NUBPL: variants seen among roughly 807,000 people sequenced by gnomAD.
The protein encoded by NUBPL is iron-sulfur cluster transfer protein NUBPL.
Under a neutral mutation model 45.7 loss-of-function variants are expected in NUBPL, and 31 were observed. That is an observed-to-expected ratio of 0.68 (90% CI 0.51 to 0.92). The LOEUF is 0.92. Ranked by LOEUF, NUBPL falls within the 40% of genes least tolerant of loss-of-function variation. The pLI, the probability that NUBPL is intolerant of heterozygous loss-of-function variation, is 0.00. For synonymous variants in NUBPL, 144 were observed against 140.9 expected (o/e 1.02, Z -0.15); for missense variants, 401 against 398.7 (o/e 1.01, Z -0.05).
At chr14:31,793,142 A>T (rs746484111) in intron 7 of NUBPL, among the ~76,000 whole-genome samples, 1 of 152,078 alleles carries the variant, frequency 6.6e-6, no homozygotes, top group African/African-American at 2.4e-5. Flanking sequence ...TTAGATTCTC[A>T]TTTGAATATC....
chr14:31,849,788 G>C (rs1189247826), intron 9 of NUBPL, among the ~76,000 whole-genome samples: 1 of 152,010 alleles, frequency 6.6e-6, no homozygotes, highest in Non-Finnish European at 1.5e-5. Context: ...GTCTATATCA[G>C]ATATTAATGG....
At chr14:31,739,074 C>T (rs577055577) in intron 6 of NUBPL, among the ~76,000 whole-genome samples, 14 of 150,550 alleles carry the variant, frequency 9.3e-5, no homozygotes, top group African/African-American at 2.9e-4. Flanking sequence ...AGTGCAGTGG[C>T]GCAATCTCAG....
At chr14:31,738,290 T>C (rs527766069) in intron 6 of NUBPL, among the ~76,000 whole-genome samples, 3 of 152,246 alleles carry the variant, frequency 2.0e-5, no homozygotes, top group South Asian at 2.1e-4. Flanking sequence ...AGATAAGAGG[T>C]TGCCAGTTAT....
intron 4 of NUBPL, among the ~76,000 whole-genome samples, chr14:31,662,404 C>T (rs945644107): frequency 6.6e-6 from 1 of 151,934 alleles, no homozygotes; most frequent in African/African-American, 2.4e-5. Flanking sequence ...CATCTGTCAA[C>T]GTGTCATCTA....
intron 3 of NUBPL, among the ~76,000 whole-genome samples, chr14:31,591,605 A>G (rs927088877): frequency 3.3e-5 from 5 of 152,190 alleles, no homozygotes; most frequent in Non-Finnish European, 7.3e-5. Flanking sequence ...GTTGTTAGGA[A>G]TAGACTGCAA....
chr14:31,811,494 CT>C (rs1210566237), intron 7 of NUBPL, among the ~76,000 whole-genome samples: 1 of 152,188 alleles, frequency 6.6e-6, no homozygotes, highest in Non-Finnish European at 1.5e-5. Context: ...CTTCTCTGCA[CT>C]GTTTATTCAG....
chr14:31,739,276 G>C (rs530058023), intron 6 of NUBPL, among the ~76,000 whole-genome samples: 110 of 136,108 alleles, frequency 8.1e-4, no homozygotes, highest in Non-Finnish European at 1.5e-3. Context: ...GTAGAGATGG[G>C]GTTTCACCAT....
rs538269431 is a variant in NUBPL, at chr14:31,832,170, G to A, written c.693+5456G>A. Among the ~76,000 whole-genome samples the A allele has an allele frequency of 2.0e-5, 3 of 152,266 alleles. No individual in the cohort carries two copies. The South Asian group carries it at 6.2e-4, about 32-fold the overall frequency. ...AGTAGATGAACAGATAAGCAGAGTG[G>A]CCTTCTTCCATGTAGTCAAGATGTG... On this transcript the variant is annotated intron_variant, in intron 8 of 10. Coordinates refer to ENST00000281081, the MANE Select transcript of NUBPL (RefSeq NM_025152.3).
intron 6 of NUBPL, among the ~76,000 whole-genome samples, chr14:31,739,561 CTA>C (rs983062989): frequency 5.9e-5 from 9 of 152,160 alleles, no homozygotes; most frequent in African/African-American, 2.2e-4. Flanking sequence ...TACAGATTGT[CTA>C]TATATCCCAT....
At chr14:31,641,920 C>T (rs2035712552) in intron 4 of NUBPL, among the ~76,000 whole-genome samples, 1 of 152,300 alleles carries the variant, frequency 6.6e-6, no homozygotes, top group Admixed American at 6.5e-5. Flanking sequence ...ATTTGCATTT[C>T]TCTGATCATT....
intron 3 of NUBPL, among the ~76,000 whole-genome samples, chr14:31,582,303 T>C (rs1383439721): frequency 6.6e-6 from 1 of 151,364 alleles, no homozygotes; most frequent in Non-Finnish European, 1.5e-5. Flanking sequence ...ATGAATGGAG[T>C]ATTCTAGTGA....
At chr14:31,750,456 C>T (rs2038502177) in intron 6 of NUBPL, among the ~76,000 whole-genome samples, 1 of 151,552 alleles carries the variant, frequency 6.6e-6, no homozygotes, top group Admixed American at 6.6e-5. Context: ...CTCGGCCTCC[C>T]AAAGTGCTGG....
intron 4 of NUBPL, among the ~76,000 whole-genome samples, chr14:31,616,029 T>C (rs968782823): frequency 1.3e-5 from 2 of 152,230 alleles, no homozygotes; most frequent in Non-Finnish European, 2.9e-5. Context: ...TTTGATTTGC[T>C]TTTCTCTAAT....
At chr14:31,760,480 A>G (rs1157608050) in intron 6 of NUBPL, among the ~76,000 whole-genome samples, 1 of 151,966 alleles carries the variant, frequency 6.6e-6, no homozygotes, top group Non-Finnish European at 1.5e-5. Context: ...ACTTTGACCA[A>G]CACTCCCCCA....
At chr14:31,808,362 G>A (rs1484441507) in intron 7 of NUBPL, among the ~76,000 whole-genome samples, 1 of 152,120 alleles carries the variant, frequency 6.6e-6, no homozygotes, top group Non-Finnish European at 1.5e-5. Context: ...GGGATTCCTA[G>A]ATATTTTATT....
intron 6 of NUBPL, among the ~76,000 whole-genome samples, chr14:31,694,091 G>A (rs923048149): frequency 5.3e-5 from 8 of 151,886 alleles, no homozygotes; most frequent in Non-Finnish European, 1.0e-4. Flanking sequence ...TCCTGACCTC[G>A]TGATCTGCCC....
chr14:31,655,808 G>A (rs2036127462), intron 4 of NUBPL, among the ~76,000 whole-genome samples: 1 of 152,206 alleles, frequency 6.6e-6, no homozygotes, highest in African/African-American at 2.4e-5. Flanking sequence ...TAATTTTTGA[G>A]AGCCCTTGTA....
intron 8 of NUBPL, among the ~76,000 whole-genome samples, chr14:31,832,853 G>A (rs1462367195): frequency 1.3e-5 from 2 of 152,066 alleles, no homozygotes; most frequent in Admixed American, 1.3e-4. Context: ...CATCATATGG[G>A]AATCATAGTA....
chr14:31,566,942 A>G (rs1438711483), intron 3 of NUBPL, among the ~76,000 whole-genome samples: 1 of 152,198 alleles, frequency 6.6e-6, no homozygotes, highest in African/African-American at 2.4e-5. Context: ...TAATTCTGCC[A>G]ACACCTTAAT....
Sources: gnomAD v4.1 joint callset for allele counts (sites outside exome capture counted in the v4.1 genomes callset) on GRCh38, gnomAD v4.1.1 for gene constraint, MANE v1.5 for transcripts, NCBI Gene and HGNC (gene_info 2026-07-23, HGNC 2026-07-21) for gene names.